The following SUV39H1 variants were observed in gnomAD, a reference collection of about 807,000 sequenced individuals.
The protein encoded by SUV39H1 is SUV39H1 histone lysine methyltransferase.
For missense variants in SUV39H1, 180 were observed against 386.3 expected, an observed-to-expected ratio of 0.47 and a Z score of 4.48; for synonymous variants, 141 against 150.5, an observed-to-expected ratio of 0.94 and a Z score of 0.46.
intron 3 of SUV39H1, among the ~76,000 whole-genome samples, chrX:48,703,039 C>G (rs186088660): frequency 1.8e-5 from 2 of 112,143 alleles, no homozygotes; most frequent in East Asian, 5.6e-4. Flanking sequence ...AAAATGGGAA[C>G]AATAATAGCA....
chrX:48,707,417 C>T lies in SUV39H1; in HGVS notation c.1106-20C>T. 3 of 1,175,277 alleles carry T rather than the reference C, an allele frequency of 2.6e-6. No individual in the cohort carries two copies. The South Asian group carries it at 5.4e-5, about 21-fold the overall frequency. The stretch of plus-strand genomic sequence containing the variant: ...TCCCTGCCTCCTTCCCTCCTCTCCT[C>T]CCTGGCTGTGACTCCACAGTGGACC... On this transcript the variant is annotated intron_variant, in intron 5 of 5. Coordinates refer to ENST00000376687, the MANE Select transcript of SUV39H1 (RefSeq NM_003173.4).
Position 48,700,605 on chromosome X carries a change from G to A in SUV39H1, c.680G>A (p.Arg227His), listed in dbSNP as rs1557009298. The A allele has an allele frequency of 7.4e-6, 9 of 1,212,434 alleles. No individual in the cohort carries two copies. The South Asian group carries it at 8.8e-5, about 12-fold the overall frequency. The change falls in exon 3 of 6, where the codon CGC becomes CAC. Residue 227 changes from arginine (R) to histidine (H), a missense_variant. Arg to His is a conservative substitution (Grantham distance 29). Coordinates refer to ENST00000376687, the MANE Select transcript of SUV39H1 (RefSeq NM_003173.4). ...ATCTACGAGTGCAACTCCCGCTGCC[G>A]CTGCGGCTATGACTGCCCAAATCGT... Reference protein sequence around the residue: ...LPIYECNSRCRCGYDCPNRVV... With the variant: ...LPIYECNSRCHCGYDCPNRVV...
At chrX:48,696,243 G>C (rs1458482985), upstream of SUV39H1, among the ~76,000 whole-genome samples, 4 of 112,348 alleles carry the variant, frequency 3.6e-5, 1 homozygote, top group Admixed American at 3.7e-4. Flanking sequence ...CTGCCTCCAG[G>C]GAGTCGCCGC....
At position 48,700,119 on chromosome X, in the gene SUV39H1, G is replaced by A. The variant is rs782197083; in HGVS notation, c.194G>A (p.Arg65His). The change falls in exon 3 of 6, where the codon CGT becomes CAT. Residue 65 changes from arginine to histidine, a missense_variant. Transcript: ENST00000376687. ...CAGGAATATTACCTGGTGAAATGGC[G>A]TGGATATCCAGACTCAGAGAGCACC... is the stretch of plus-strand genomic sequence containing the variant. ...REQEYYLVKW[R>H]GYPDSESTWE... The A allele has an allele frequency of 8.1e-5, 97 of 1,193,264 alleles. No individual in the cohort carries two copies. Among genetic ancestry groups the A allele is most frequent in the Middle Eastern group, 2.3e-4 (1 of 4,325 alleles).
At chrX:48,700,067 C>A in intron 2 of SUV39H1, 24 bp from the exon 3 acceptor site, 1 of 1,134,381 alleles carries the variant, frequency 8.8e-7, no homozygotes, top group South Asian at 2.0e-5. Context: ...ACGGTACCCC[C>A]GTCCCCCTAC....
At position 48,700,524 on chromosome X, in the gene SUV39H1, T is replaced by C; in HGVS notation, c.599T>C (p.Leu200Pro). The change falls in exon 3 of 6, where the codon CTG becomes CCG. Residue 200 changes from leucine (L) to proline (P), a missense_variant. By Grantham distance (98) the Leu-to-Pro change is moderately conservative (BLOSUM62 -3). Transcript: ENST00000376687. Reference protein sequence around the residue: ...PTGGCCPGASLHKFAYNDQGQ... With the variant: ...PTGGCCPGASPHKFAYNDQGQ... ...GGAGGCTGCTGCCCGGGGGCGTCAC[T>C]GCACAAGTTTGCCTACAATGACCAG... 8.2e-7 allele frequency: 1 copy of C among 1,212,362 alleles called. No homozygotes were observed. The highest frequency in any genetic ancestry group is 1.1e-6 in the Non-Finnish European group (1 of 895,620).
chrX:48,698,765 T>C (rs1377597780), intron 1 of SUV39H1, 137 bp from the exon 2 acceptor site: 13 of 764,814 alleles, frequency 1.7e-5, no homozygotes, highest in Non-Finnish European at 2.2e-5. Flanking sequence ...GTCTCAGCAC[T>C]GGGGAAGGCC....
intron 3 of SUV39H1, 134 bp downstream of exon 3, chrX:48,700,887 T>C (rs1557009378): frequency 1.2e-6 from 1 of 803,411 alleles, no homozygotes; most frequent in Non-Finnish European, 1.8e-6. Context: ...CTGATCTGAG[T>C]GTCACAGGGA....
intron 3 of SUV39H1, among the ~76,000 whole-genome samples, chrX:48,704,535 TG>T (rs1181821788): frequency 9.0e-6 from 1 of 111,492 alleles, no homozygotes; most frequent in African/African-American, 3.3e-5. Context: ...CTGTTTGAGC[TG>T]ATGCCACAAG....
rs782004448 is a variant in SUV39H1, at chrX:48,707,381, C to T, written c.1106-56C>T. 1.2e-4 allele frequency: 99 copies of T among 836,908 alleles called. 1 individual carries two copies. In the East Asian group the frequency reaches 3.6e-3, roughly 31 times the overall value. The allele number at this position is 836,908 out of a possible 1,213,427, so 69.0% of individuals were successfully genotyped here. Reference sequence around the variant, plus strand: ...TCCCTACCTTCCTCCCTCCCTCCTTCTCCCCCTCCCTCCCTGCCTCCTTCC... The same window carrying T: ...TCCCTACCTTCCTCCCTCCCTCCTTTTCCCCCTCCCTCCCTGCCTCCTTCC... On this transcript the variant is annotated intron_variant, in intron 5 of 5. Transcript: ENST00000376687.
At chrX:48,705,930 C>T (rs1047329519) in intron 3 of SUV39H1, among the ~76,000 whole-genome samples, 8 of 112,943 alleles carry the variant, frequency 7.1e-5, no homozygotes, top group Non-Finnish European at 1.1e-4. Context: ...CTTCCTGCTC[C>T]GTCCCAAGGC....
At chrX:48,706,932 T>G (rs1284899799) in intron 5 of SUV39H1, among the ~76,000 whole-genome samples, 1 of 106,269 alleles carries the variant, frequency 9.4e-6, no homozygotes, top group Admixed American at 1.0e-4. Flanking sequence ...CCCCAGCCCC[T>G]CCCCACTCCT....
At position 48,706,539 on chromosome X, in the gene SUV39H1, C is replaced by T. The variant is rs781900909; in HGVS notation, c.1017C>T (p.Asn339=). 3.4e-5 allele frequency: 41 copies of T among 1,202,918 alleles called. No individual in the cohort carries two copies. The highest frequency in any genetic ancestry group is 4.4e-5 in the Non-Finnish European group (39 of 891,349). The change falls in exon 5 of 6, where the codon AAC becomes AAT. Residue 339 remains asparagine, a synonymous_variant. Coordinates refer to ENST00000376687, the MANE Select transcript of SUV39H1 (RefSeq NM_003173.4). The part of the protein sequence containing the change: ...NLQVYNVFID[N]LDERLPRIAF... ...AGGTGTACAACGTCTTCATAGACAA[C>T]CTTGACGAGCGGCTGCCCCGCATCG...
Position 48,703,405 on chromosome X carries a change from T to C in SUV39H1, c.828+2652T>C, listed in dbSNP as rs145589965. On this transcript the variant is annotated intron_variant, in intron 3 of 5. Coordinates refer to ENST00000376687, the MANE Select transcript of SUV39H1 (RefSeq NM_003173.4). ...TATCTGCACACCATGCTATCTACTG[T>C]CCTTCTTCAGCTGGGACATGTACTG... Among the ~76,000 whole-genome samples the C allele has an allele frequency of 9.0e-3, 1,005 of 111,546 alleles. 7 individuals carry two copies. The highest frequency in any genetic ancestry group is 0.033 in the Middle Eastern group (7 of 215).
At chrX:48,699,957 G>A (rs1245239092) in intron 2 of SUV39H1, 134 bp from the exon 3 acceptor site, 72 of 515,968 alleles carry the variant, frequency 1.4e-4, no homozygotes, top group Non-Finnish European at 6.4e-5. Context: ...TTTAATCACC[G>A]CATGAAGTCA....
At chrX:48,706,699 A>G in intron 5 of SUV39H1, 72 bp downstream of exon 5, 1 of 1,103,766 alleles carries the variant, frequency 9.1e-7, no homozygotes, top group East Asian at 3.1e-5. Context: ...CCAAAGGCAC[A>G]CCAGTCACTC....
chrX:48,706,443 G>A (rs1480687843), intron 4 of SUV39H1, 32 bp downstream of exon 4: 11 of 1,201,256 alleles, frequency 9.2e-6, no homozygotes, highest in Admixed American at 4.4e-5. Flanking sequence ...GCAAGGGGTC[G>A]AGAGGGGCAG....
Position 48,700,341 on chromosome X carries a change from G to A in SUV39H1, c.416G>A (p.Arg139His). The change falls in exon 3 of 6, where the codon CGC (arginine) becomes CAC (histidine). Residue 139 changes from arginine (R) to histidine (H), a missense_variant. Coordinates refer to ENST00000376687, the MANE Select transcript of SUV39H1 (RefSeq NM_003173.4). ...RRWEQELNAK[R>H]SHLGRITVEN... ...TGGGAGCAGGAGCTCAATGCCAAGC[G>A]CAGCCATCTGGGACGCATCACTGTA... 8.3e-7 allele frequency: 1 copy of A among 1,212,090 alleles called. No homozygotes were observed. Among genetic ancestry groups the A allele is most frequent in the East Asian group, 3.0e-5 (1 of 33,829 alleles).
At chrX:48,696,152 G>C (rs2062453878), upstream of SUV39H1, among the ~76,000 whole-genome samples, 1 of 112,762 alleles carries the variant, frequency 8.9e-6, no homozygotes, top group Non-Finnish European at 1.9e-5. Context: ...GTGGAGAGGA[G>C]GACTGATTGA....
Sources: gnomAD v4.1 joint callset for allele counts (sites outside exome capture counted in the v4.1 genomes callset) on GRCh38, gnomAD v4.1.1 for gene constraint, MANE v1.5 for transcripts, NCBI Gene and HGNC (gene_info 2026-07-23, HGNC 2026-07-21) for gene names.